Variants in DCAF5 observed in about 807,000 individuals in gnomAD.
DCAF5 encodes DDB1- and CUL4-associated factor 5.
A neutral mutation model predicts 80.7 loss-of-function variants in DCAF5; 9 were observed. The ratio of observed to expected loss-of-function variants is 0.11; its 90% CI spans 0.07 to 0.19. The LOEUF (loss-of-function observed/expected upper bound fraction) is 0.19. DCAF5 is among the 10% of genes least tolerant of loss of function. The pLI is 1.00. For synonymous variants in DCAF5, 433 were observed against 461.9 expected (o/e 0.94, Z 0.80); for missense variants, 842 against 1,205.7 (o/e 0.70, Z 4.47).
At chr14:69,062,756 T>C (rs185218905) in intron 7 of DCAF5, among the ~76,000 whole-genome samples, 38 of 152,300 alleles carry the variant, frequency 2.5e-4, no homozygotes, top group Admixed American at 2.1e-3. Context: ...CCCACTGCAA[T>C]TCCATTGTCA....
chr14:69,115,739 C>A (rs1471328772), intron 5 of DCAF5, among the ~76,000 whole-genome samples: 3 of 152,150 alleles, frequency 2.0e-5, no homozygotes, highest in Non-Finnish European at 4.4e-5. Context: ...TCAGGTTTGT[C>A]TTAAGTATGC....
intron 6 of DCAF5, among the ~76,000 whole-genome samples, chr14:69,077,355 C>T (rs1268033586): frequency 2.4e-5 from 3 of 123,636 alleles, no homozygotes; most frequent in South Asian, 2.6e-4. Flanking sequence ...GCATGCACCA[C>T]GACATGTAGC....
chr14:69,054,463 G>A lies in DCAF5; in HGVS notation c.2223C>T (p.Pro741=), dbSNP rs561835194. 1.2e-6 allele frequency: 2 copies of A among 1,614,006 alleles called. No individual in the cohort carries two copies. The highest frequency in any genetic ancestry group is 3.3e-5 in the Admixed American group (2 of 60,018). Residue 741 remains proline (P), a synonymous_variant, in exon 9 of 9, where the codon CCC becomes CCT. Transcript: ENST00000341516. ...TGTGCTCATGGCCTGGGCCATTGCT[G>A]GGAGTTCTAGGAGTCTCTTCTTTAA... ...DTFKEETPRT[P]SNGPGHEHSS...
chr14:69,094,656 AATG>A (rs1231229660), intron 5 of DCAF5, among the ~76,000 whole-genome samples: 1 of 152,192 alleles, frequency 6.6e-6, no homozygotes, highest in Non-Finnish European at 1.5e-5. Context: ...TCCTGCTGAG[AATG>A]ATAAGGATGA....
chr14:69,059,575 G>A (rs564789934), intron 8 of DCAF5, among the ~76,000 whole-genome samples: 1 of 152,278 alleles, frequency 6.6e-6, no homozygotes, highest in East Asian at 1.9e-4. Flanking sequence ...GAGACTCAGC[G>A]GCCTTTCAGG....
chr14:69,113,927 T>C (rs1195704223), intron 5 of DCAF5, among the ~76,000 whole-genome samples: 1 of 152,214 alleles, frequency 6.6e-6, no homozygotes, highest in Non-Finnish European at 1.5e-5. Flanking sequence ...AAAAAGAAAT[T>C]AGTCATGATT....
chr14:69,062,141 TCTTA>T (rs1369545243), intron 8 of DCAF5, among the ~76,000 whole-genome samples: 2 of 152,170 alleles, frequency 1.3e-5, no homozygotes, highest in African/African-American at 4.8e-5. Context: ...GGCCTCAAAC[TCTTA>T]GGCTGAAGTG....
At chr14:69,120,369 G>A (rs1337162221) in intron 2 of DCAF5, among the ~76,000 whole-genome samples, 1 of 151,996 alleles carries the variant, frequency 6.6e-6, no homozygotes, top group Non-Finnish European at 1.5e-5. Flanking sequence ...CAAAGTGTTG[G>A]GATTATTACA....
intron 5 of DCAF5, among the ~76,000 whole-genome samples, chr14:69,104,354 A>C (rs1046265164): frequency 6.6e-6 from 1 of 152,166 alleles, no homozygotes; most frequent in Non-Finnish European, 1.5e-5. Context: ...GGATACACAC[A>C]TCATCAATGA....
At chr14:69,085,919 A>T (rs1416534303) in intron 6 of DCAF5, among the ~76,000 whole-genome samples, 1 of 152,246 alleles carries the variant, frequency 6.6e-6, no homozygotes, top group East Asian at 1.9e-4. Context: ...CCTATGAGCA[A>T]GAGGGTACAG....
At chr14:69,084,144 T>C in intron 6 of DCAF5, 2 of 859,700 alleles carry the variant, frequency 2.3e-6, no homozygotes, top group South Asian at 1.3e-5. Flanking sequence ...GGGGTCCTTA[T>C]TCTCTCACCT....
intron 1 of DCAF5, among the ~76,000 whole-genome samples, chr14:69,143,381 C>T (rs1237793414): frequency 6.6e-6 from 1 of 152,082 alleles, no homozygotes; most frequent in Non-Finnish European, 1.5e-5. Flanking sequence ...TCATAAGTTA[C>T]CTAACTTCTG....
At chr14:69,132,264 G>A (rs185587351) in intron 1 of DCAF5, among the ~76,000 whole-genome samples, 95 of 152,142 alleles carry the variant, frequency 6.2e-4, no homozygotes, top group African/African-American at 1.8e-3. Context: ...CACCAACAAC[G>A]TACAAGAGTT....
chr14:69,054,984 A>T lies in DCAF5; in HGVS notation c.1702T>A (p.Ser568Thr). The T allele has an allele frequency of 6.2e-7, 1 of 1,614,114 alleles. No individual in the cohort carries two copies. The highest frequency in any genetic ancestry group is 8.5e-7 in the Non-Finnish European group (1 of 1,180,026). ...TCATTCAGCTCCTCCTCATCCTCAGAGCTGCTAGAGCTGCTGGAACTGCTG... is the reference window on the plus strand; with the variant it reads ...TCATTCAGCTCCTCCTCATCCTCAGTGCTGCTAGAGCTGCTGGAACTGCTG... The part of the protein sequence containing the change: ...ESSSSSSSSS[S>T]EDEEELNERR... Residue 568 changes from serine (S) to threonine (T), a missense_variant, in exon 9 of 9, where the codon TCT (serine) becomes ACT (threonine). Physicochemically the swap from Ser to Thr is moderately conservative, Grantham distance 58. Transcript: ENST00000341516.
At chr14:69,144,768 G>A (rs747848395) in intron 1 of DCAF5, among the ~76,000 whole-genome samples, 2 of 152,048 alleles carry the variant, frequency 1.3e-5, no homozygotes, top group African/African-American at 2.4e-5. Flanking sequence ...AATTCCTTAG[G>A]ACAGATCCAG....
intron 5 of DCAF5, among the ~76,000 whole-genome samples, chr14:69,097,532 T>A (rs1440861651): frequency 6.6e-6 from 1 of 151,870 alleles, no homozygotes; most frequent in Non-Finnish European, 1.5e-5. Flanking sequence ...TAAGAAATAC[T>A]TGTGACCATC....
At chr14:69,089,277 A>C (rs1236988424) in intron 6 of DCAF5, 1 of 152,432 alleles carries the variant, frequency 6.6e-6, no homozygotes. Flanking sequence ...TGAATTAGCT[A>C]CATTTCTTAG....
chr14:69,090,758 A>C (rs2039504001), intron 6 of DCAF5: 1 of 214,526 alleles, frequency 4.7e-6, no homozygotes, highest in Non-Finnish European at 9.2e-6. Context: ...GGTGGGGTAC[A>C]GCATATAAGA....
Position 69,054,575 on chromosome 14 carries a change from G to A in DCAF5, c.2111C>T (p.Pro704Leu). 2 of 1,614,210 alleles carry A rather than the reference G, an allele frequency of 1.2e-6. No homozygotes were observed. ...AGTSHKDNPA[P>L]SSSKEACLNI... ...TAGACAGGCTTCCTTACTGGAAGAA[G>A]GGGCTGGGTTGTCTTTGTGGCTGGT... The change falls in exon 9 of 9, where the codon CCT (proline) becomes CTT (leucine). Residue 704 changes from proline to leucine, a missense_variant. Coordinates refer to ENST00000341516, the MANE Select transcript of DCAF5 (RefSeq NM_003861.3).
Sources: gnomAD v4.1 joint callset for allele counts (sites outside exome capture counted in the v4.1 genomes callset) on GRCh38, gnomAD v4.1.1 for gene constraint, MANE v1.5 for transcripts, NCBI Gene and HGNC (gene_info 2026-07-23, HGNC 2026-07-21) for gene names.